The following BMPR1A variants were observed in gnomAD, a reference collection of about 807,000 sequenced individuals.
The protein encoded by BMPR1A is bone morphogenetic protein receptor type-1A.
Under a neutral mutation model 66.0 loss-of-function variants are expected in BMPR1A, and 7 were observed. That is an observed-to-expected ratio of 0.11 (90% CI 0.06 to 0.20). BMPR1A has a LOEUF of 0.20. BMPR1A is among the 10% of genes least tolerant of loss of function. BMPR1A has a pLI of 1.00. For missense variants in BMPR1A, 408 were observed against 669.1 expected (o/e 0.61, Z 4.31); for synonymous variants, 200 against 229.7 (o/e 0.87, Z 1.17).
At chr10:86,806,919 C>T (rs968602152) in intron 1 of BMPR1A, among the ~76,000 whole-genome samples, 10 of 151,920 alleles carry the variant, frequency 6.6e-5, no homozygotes, top group African/African-American at 2.2e-4. Context: ...TTCCGGCTCT[C>T]GTGTCCTTTG....
intron 1 of BMPR1A, among the ~76,000 whole-genome samples, chr10:86,827,004 A>G (rs933197993): frequency 2.0e-5 from 3 of 149,950 alleles, no homozygotes; most frequent in African/African-American, 7.3e-5. Flanking sequence ...CTTTCTATCT[A>G]TTTATAATGT....
intron 7 of BMPR1A, among the ~76,000 whole-genome samples, chr10:86,911,914 AG>A (rs1051940120): frequency 1.2e-4 from 19 of 152,180 alleles, no homozygotes; most frequent in African/African-American, 4.3e-4. Flanking sequence ...TATGACTTCG[AG>A]GTTTGGGTTG....
At chr10:86,892,280 A>T (rs1292630187) in intron 5 of BMPR1A, 51 bp downstream of exon 5, 8 of 1,448,934 alleles carry the variant, frequency 5.5e-6, no homozygotes, top group African/African-American at 1.4e-5. Flanking sequence ...GGCCATATGA[A>T]AGCATCGATT....
At chr10:86,907,475 T>C (rs1473653777) in intron 7 of BMPR1A, among the ~76,000 whole-genome samples, 1 of 152,238 alleles carries the variant, frequency 6.6e-6, no homozygotes, top group Non-Finnish European at 1.5e-5. Flanking sequence ...GCAATCCCAC[T>C]ATTTGGTATA....
chr10:86,871,801 C>A (rs1261996424), intron 2 of BMPR1A, among the ~76,000 whole-genome samples: 7 of 134,682 alleles, frequency 5.2e-5, no homozygotes, highest in African/African-American at 7.9e-5. Context: ...GACTCTGCCT[C>A]CAAAAAAAAA....
At chr10:86,789,415 TAAAG>T (rs1411691685) in intron 1 of BMPR1A, among the ~76,000 whole-genome samples, 1 of 152,082 alleles carries the variant, frequency 6.6e-6, no homozygotes, top group African/African-American at 2.4e-5. Context: ...CTAGAATACA[TAAAG>T]AACACATAAC....
chr10:86,923,647 C>T lies in BMPR1A; in HGVS notation c.1527C>T (p.Ala509=). The T allele has an allele frequency of 6.2e-7, 1 of 1,614,198 alleles. No individual in the cohort carries two copies. The highest frequency in any genetic ancestry group is 8.5e-7 in the Non-Finnish European group (1 of 1,180,046). ...LMSECWAHNP[A]SRLTALRIKK... ...CAGAATGCTGGGCCCACAATCCAGC[C>T]TCCAGACTCACAGCATTGAGAATTA... The change falls in exon 13 of 13, where the codon GCC becomes GCT. Residue 509 remains alanine, a synonymous_variant. Coordinates refer to ENST00000372037, the MANE Select transcript of BMPR1A (RefSeq NM_004329.3).
At chr10:86,871,364 G>A (rs1216434331) in intron 2 of BMPR1A, among the ~76,000 whole-genome samples, 1 of 152,104 alleles carries the variant, frequency 6.6e-6, no homozygotes, top group Non-Finnish European at 1.5e-5. Flanking sequence ...ATGAAGGCTG[G>A]GCCTGTTTGG....
At chr10:86,782,343 A>G (rs1267232481) in intron 1 of BMPR1A, among the ~76,000 whole-genome samples, 1 of 152,166 alleles carries the variant, frequency 6.6e-6, no homozygotes, top group Non-Finnish European at 1.5e-5. Context: ...TTTTAGATAT[A>G]TACTGAGAAG....
At chr10:86,792,942 A>G (rs1324695017) in intron 1 of BMPR1A, among the ~76,000 whole-genome samples, 1 of 152,170 alleles carries the variant, frequency 6.6e-6, no homozygotes, top group African/African-American at 2.4e-5. Flanking sequence ...GTAATTTATT[A>G]TTATGTCTAG....
chr10:86,883,504 C>T (rs1449159962), intron 3 of BMPR1A, among the ~76,000 whole-genome samples: 2 of 141,870 alleles, frequency 1.4e-5, no homozygotes, highest in African/African-American at 5.3e-5. Flanking sequence ...GAGCCGAGAT[C>T]ACGCCACTGC....
chr10:86,800,010 G>T (rs1841789513), intron 1 of BMPR1A, among the ~76,000 whole-genome samples: 3 of 152,092 alleles, frequency 2.0e-5, no homozygotes, highest in African/African-American at 7.2e-5. Context: ...ACAAGAAAAA[G>T]AATAGTAGAT....
At chr10:86,855,954 A>G (rs991498115) in intron 2 of BMPR1A, 3 of 633,934 alleles carry the variant, frequency 4.7e-6, no homozygotes, top group African/African-American at 1.8e-5. Context: ...CTGCATAACT[A>G]TTTCTTTTCC....
intron 1 of BMPR1A, among the ~76,000 whole-genome samples, chr10:86,786,724 C>T (rs894072308): frequency 6.6e-5 from 10 of 152,176 alleles, no homozygotes; most frequent in African/African-American, 1.7e-4. Flanking sequence ...CAGCCTGAGC[C>T]GCTTCTTTGA....
In BMPR1A at chr10:86,924,150, T is replaced by C; in HGVS notation, c.*431T>C. The C allele has an allele frequency of 2.9e-6, 1 of 347,720 alleles. No homozygotes were observed. The highest frequency in any genetic ancestry group is 5.3e-6 in the Non-Finnish European group (1 of 187,460). 21.5% of individuals were successfully genotyped at this position (347,720 alleles called of 1,614,324 possible). ...CCTGAGACTTTCAGTTCGTTTGTAT[T>C]CTACCTTTGTAAAACAGCCTATAGA... On this transcript the variant is annotated 3_prime_UTR_variant, in exon 13 of 13. Transcript: ENST00000372037.
intron 1 of BMPR1A, among the ~76,000 whole-genome samples, chr10:86,792,938 T>A (rs1030545746): frequency 1.3e-5 from 2 of 152,176 alleles, no homozygotes; most frequent in Admixed American, 6.5e-5. Flanking sequence ...AGGAGTAATT[T>A]ATTATTATGT....
intron 1 of BMPR1A, among the ~76,000 whole-genome samples, chr10:86,758,628 A>G (rs555501852): frequency 3.8e-4 from 58 of 152,370 alleles, no homozygotes; most frequent in Non-Finnish European, 6.2e-4. Context: ...AAAGTAACAC[A>G]TGGTTGTTAA....
At chr10:86,888,270 C>T (rs1047604480) in intron 3 of BMPR1A, among the ~76,000 whole-genome samples, 1 of 151,602 alleles carries the variant, frequency 6.6e-6, no homozygotes, top group Admixed American at 6.6e-5. Flanking sequence ...TTGAGACCAG[C>T]CTGGCCAACA....
At chr10:86,845,339 C>T (rs946015472) in intron 2 of BMPR1A, among the ~76,000 whole-genome samples, 5 of 152,108 alleles carry the variant, frequency 3.3e-5, no homozygotes, top group Non-Finnish European at 5.9e-5. Context: ...CACTGTTGTC[C>T]CACCAAAGGA....
Sources: gnomAD v4.1 joint callset for allele counts (sites outside exome capture counted in the v4.1 genomes callset) on GRCh38, gnomAD v4.1.1 for gene constraint, MANE v1.5 for transcripts, NCBI Gene and HGNC (gene_info 2026-07-23, HGNC 2026-07-21) for gene names.